The following CACNA1C variants were observed in gnomAD, a reference collection of about 807,000 sequenced individuals.
The protein encoded by CACNA1C is voltage-dependent L-type calcium channel subunit alpha-1C.
In CACNA1C, 30 loss-of-function variants were observed where a neutral mutation model predicts 229.0. The ratio of observed to expected loss-of-function variants is 0.13; its 90% CI spans 0.10 to 0.18. CACNA1C has a LOEUF of 0.18. Ranked by LOEUF, CACNA1C falls within the 10% of genes least tolerant of loss-of-function variation. The pLI is 1.00. For missense variants in CACNA1C, 1,658 were observed against 2,845.0 expected, an observed-to-expected ratio of 0.58 and a Z score of 9.49; for synonymous variants, 1,114 against 1,132.5, an observed-to-expected ratio of 0.98 and a Z score of 0.33.
intron 39 of CACNA1C, chr12:2,676,533 C>T (rs1443844996): frequency 6.5e-6 from 1 of 154,576 alleles, no homozygotes; most frequent in African/African-American, 2.4e-5. Context: ...TCCAGCCCAG[C>T]AGGGATGCAG....
chr12:2,635,365 T>C (rs1184571902), intron 30 of CACNA1C, among the ~76,000 whole-genome samples: 1 of 152,274 alleles, frequency 6.6e-6, no homozygotes, highest in African/African-American at 2.4e-5. Flanking sequence ...CTTGCGGTCT[T>C]TAACATGTGT....
chr12:2,445,044 A>C (rs952334064), intron 3 of CACNA1C, among the ~76,000 whole-genome samples: 3 of 152,090 alleles, frequency 2.0e-5, no homozygotes, highest in African/African-American at 7.2e-5. Flanking sequence ...CAGCCCTGCT[A>C]CTTCAACACC....
In CACNA1C at chr12:2,318,897, TGGAGAGAGAGAA is replaced by T. The variant is rs146172724; in HGVS notation, c.478-130072_478-130061del. ...ATGGGGAGGGTTGGATAGAAGAGAA[TGGAGAGAGAGAA>T]GGAGAGGGAGGAGAGCAGGGAAGGA... On this transcript the variant is annotated intron_variant, in intron 3 of 46. Transcript: ENST00000399655. 5.4e-3 allele frequency among the ~76,000 whole-genome samples: 786 copies of T among 145,672 alleles called. 13 individuals carry two copies. The highest frequency in any genetic ancestry group is 0.02 in the African/African-American group (752 of 38,278).
chr12:2,310,310 G>A (rs932205618), intron 3 of CACNA1C, among the ~76,000 whole-genome samples: 5 of 150,188 alleles, frequency 3.3e-5, no homozygotes, highest in Admixed American at 3.3e-4. Context: ...GAAAGATGGG[G>A]CAACATCCTG....
intron 3 of CACNA1C, among the ~76,000 whole-genome samples, chr12:2,135,908 C>A (rs1206714435): frequency 3.4e-5 from 5 of 149,056 alleles, no homozygotes; most frequent in Non-Finnish European, 3.0e-5. Flanking sequence ...CCCCCAGCCT[C>A]GCTGCCGCCT....
intron 1 of CACNA1C, chr12:2,004,396 C>T: frequency 1.2e-6 from 2 of 1,612,332 alleles, no homozygotes; most frequent in East Asian, 2.2e-5. Context: ...TGTCGCGCCC[C>T]TTTCCCACCA....
At chr12:2,135,748 T>G (rs1300697195) in intron 3 of CACNA1C, among the ~76,000 whole-genome samples, 3 of 146,522 alleles carry the variant, frequency 2.0e-5, no homozygotes, top group Non-Finnish European at 4.5e-5. Context: ...CAGAAGTTAC[T>G]GCTGTCTTTT....
At chr12:2,376,495 G>C (rs1045845737) in intron 3 of CACNA1C, among the ~76,000 whole-genome samples, 33 of 152,194 alleles carry the variant, frequency 2.2e-4, no homozygotes, top group African/African-American at 7.7e-4. Flanking sequence ...GCAAAGATGA[G>C]TGGGTGTTCG....
At chr12:2,262,921 A>G (rs1017967683) in intron 3 of CACNA1C, among the ~76,000 whole-genome samples, 2 of 152,218 alleles carry the variant, frequency 1.3e-5, no homozygotes, top group Non-Finnish European at 2.9e-5. Flanking sequence ...TAAAACAGAC[A>G]ATTCCTACCT....
intron 3 of CACNA1C, among the ~76,000 whole-genome samples, chr12:2,425,625 T>C (rs1358233471): frequency 6.6e-6 from 1 of 152,214 alleles, no homozygotes; most frequent in Non-Finnish European, 1.5e-5. Flanking sequence ...CTTTACAATA[T>C]AACCTTTTGC....
chr12:2,249,733 C>T (rs78006379), intron 3 of CACNA1C, among the ~76,000 whole-genome samples: 2,367 of 151,256 alleles, frequency 0.016, 40 homozygotes, highest in South Asian at 0.05. Context: ...CTCACTCGGC[C>T]GGTGGCTCCG....
chr12:2,477,009 C>T (rs146575329), intron 5 of CACNA1C, among the ~76,000 whole-genome samples: 159 of 152,268 alleles, frequency 1.0e-3, no homozygotes, highest in African/African-American at 3.3e-3. Context: ...TACTCCTTTC[C>T]CCAAGAGAGA....
chr12:2,466,278 T>G (rs2099549977), intron 5 of CACNA1C, among the ~76,000 whole-genome samples: 1 of 152,178 alleles, frequency 6.6e-6, no homozygotes, highest in Admixed American at 6.5e-5. Flanking sequence ...ACAGCAGATT[T>G]GCAATCCCAT....
In CACNA1C at chr12:2,152,012, C is replaced by T. The variant is rs756556957; in HGVS notation, c.477+31582C>T. 2.0e-5 allele frequency among the ~76,000 whole-genome samples: 3 copies of T among 152,152 alleles called. No homozygotes were observed. Among genetic ancestry groups the T allele is most frequent in the African/African-American group, 7.2e-5 (3 of 41,428 alleles). On this transcript the variant is annotated intron_variant, in intron 3 of 46. Coordinates refer to ENST00000399655, the MANE Select transcript of CACNA1C (RefSeq NM_000719.7). This position sits in a 1 kb window ranked among gnomAD's most constrained non-coding sequence, Gnocchi z 4.2. Reference sequence around the variant, plus strand: ...TATCTGGGCAGATTTTAAACCCTGGCGTTTTTAGTGCCTTGACTAGTGTGA... The same window carrying T: ...TATCTGGGCAGATTTTAAACCCTGGTGTTTTTAGTGCCTTGACTAGTGTGA...
At chr12:2,598,362 AGT>A (rs2069730880) in intron 21 of CACNA1C, among the ~76,000 whole-genome samples, 4 of 152,170 alleles carry the variant, frequency 2.6e-5, no homozygotes, top group Admixed American at 2.6e-4. Flanking sequence ...TGAGAGAAAG[AGT>A]ATTCCTCCAT....
chr12:2,182,094 G>A (rs1349771223), intron 3 of CACNA1C, among the ~76,000 whole-genome samples: 1 of 147,914 alleles, frequency 6.8e-6, no homozygotes, highest in Non-Finnish European at 1.5e-5. Context: ...TTAACATCGG[G>A]AGGGAACTGG....
intron 3 of CACNA1C, among the ~76,000 whole-genome samples, chr12:2,227,804 C>T (rs1283175650): frequency 1.3e-5 from 2 of 152,338 alleles, no homozygotes; most frequent in African/African-American, 2.4e-5. Flanking sequence ...ATAGGTTACA[C>T]TTTAGTTGGC....
intron 11 of CACNA1C, among the ~76,000 whole-genome samples, chr12:2,557,783 T>C (rs1392389956): frequency 1.3e-5 from 2 of 152,204 alleles, no homozygotes; most frequent in African/African-American, 4.8e-5. Context: ...ACTCAGCACA[T>C]GACACTCGGA....
At chr12:1,982,033 T>G (rs1292275899) in intron 1 of CACNA1C, among the ~76,000 whole-genome samples, 3 of 152,158 alleles carry the variant, frequency 2.0e-5, no homozygotes, top group African/African-American at 7.2e-5. Context: ...GTGAAAAGTT[T>G]TACTTGGAAG....
Sources: gnomAD v4.1 joint callset for allele counts (sites outside exome capture counted in the v4.1 genomes callset) on GRCh38, gnomAD v4.1.1 for gene constraint, Gnocchi (gnomAD v3.1) non-coding constraint, MANE v1.5 for transcripts, NCBI Gene and HGNC (gene_info 2026-07-23, HGNC 2026-07-21) for gene names.